Variants in NR3C1 observed in about 807,000 individuals in gnomAD.
NR3C1 encodes the protein nuclear receptor subfamily 3 group C member 1.
NR3C1 carries 14 observed loss-of-function variants against 74.0 expected under a neutral mutation model. The observed-to-expected ratio is 0.19, with a 90% confidence interval of 0.12 to 0.30. The LOEUF is 0.30. Ranked by LOEUF, NR3C1 falls within the 10% of genes least tolerant of loss-of-function variation. The pLI, the probability that NR3C1 is intolerant of heterozygous loss-of-function variation, is 1.00. For missense variants in NR3C1, 695 were observed against 909.8 expected (o/e 0.76, Z 3.04); for synonymous variants, 308 against 332.5 (o/e 0.93, Z 0.80).
At chr5:143,416,925 G>C (rs780152819) in intron 1 of NR3C1, among the ~76,000 whole-genome samples, 23 of 151,998 alleles carry the variant, frequency 1.5e-4, no homozygotes, top group Non-Finnish European at 3.1e-4. Context: ...ACCTATTCTG[G>C]TTACATCTGC....
chr5:143,381,390 A>T (rs1033947048), intron 2 of NR3C1, among the ~76,000 whole-genome samples: 1 of 152,102 alleles, frequency 6.6e-6, no homozygotes, highest in African/African-American at 2.4e-5. Context: ...GATTCAATGC[A>T]ATCTTTATTA....
In NR3C1 at chr5:143,315,377, G is replaced by C. The variant is rs555170005; in HGVS notation, c.1185-1209C>G. Among the ~76,000 whole-genome samples the C allele has an allele frequency of 4.6e-5, 7 of 152,062 alleles. No individual in the cohort carries two copies. The South Asian group carries it at 1.5e-3, about 32-fold the overall frequency. ...ATTAGAGACTGCCCATTCCATTTTT[G>C]GTTGTGTTCTTAAGCAAATCTTCAA... On this transcript the variant is annotated intron_variant, in intron 2 of 8. Coordinates refer to ENST00000394464, the MANE Select transcript of NR3C1 (RefSeq NM_000176.3).
intron 2 of NR3C1, among the ~76,000 whole-genome samples, chr5:143,347,427 T>C (rs1032488257): frequency 1.3e-5 from 2 of 152,172 alleles, no homozygotes; most frequent in Non-Finnish European, 2.9e-5. Context: ...ACTCTAATGT[T>C]AGTTATTTTT....
At chr5:143,383,584 G>A (rs1836647806) in intron 2 of NR3C1, among the ~76,000 whole-genome samples, 3 of 152,196 alleles carry the variant, frequency 2.0e-5, no homozygotes, top group Admixed American at 6.5e-5. Flanking sequence ...GAGGTGGGGG[G>A]CTATGGCCTG....
At chr5:143,379,513 TACA>T (rs536589092) in intron 2 of NR3C1, among the ~76,000 whole-genome samples, 1 of 152,170 alleles carries the variant, frequency 6.6e-6, no homozygotes, top group African/African-American at 2.4e-5. Flanking sequence ...ACCTGATTCC[TACA>T]ACTACTGTGA....
rs13353867 is a variant in NR3C1 at position 143,381,475 on chromosome 5, G to A, written c.1184+18181C>T. ...ATTTATATGGAACCACAAAAGCCCC[G>A]GAATAGCCAAAGCCATCCTGAACAA... On this transcript the variant is annotated intron_variant, in intron 2 of 8. Transcript: ENST00000394464. 5.4e-3 allele frequency among the ~76,000 whole-genome samples: 827 copies of A among 151,798 alleles called. 5 individuals are homozygous for A. The highest frequency in any genetic ancestry group is 0.022 in the East Asian group (115 of 5,172).
At chr5:143,366,835 C>T (rs937524477) in intron 2 of NR3C1, among the ~76,000 whole-genome samples, 2 of 151,960 alleles carry the variant, frequency 1.3e-5, no homozygotes, top group African/African-American at 2.4e-5. Context: ...CAAAGAAGAC[C>T]CCAGATGGCT....
chr5:143,396,608 A>G (rs1370862354), intron 2 of NR3C1, among the ~76,000 whole-genome samples: 1 of 151,828 alleles, frequency 6.6e-6, no homozygotes, highest in Non-Finnish European at 1.5e-5. Flanking sequence ...CATTACTTTT[A>G]TAAAACCAGA....
chr5:143,304,237 A>G (rs1197236153), intron 4 of NR3C1, among the ~76,000 whole-genome samples: 1 of 152,186 alleles, frequency 6.6e-6, no homozygotes, highest in Non-Finnish European at 1.5e-5. Flanking sequence ...AAATCAATGT[A>G]CAAAAATCAG....
At chr5:143,387,627 G>A (rs901842507) in intron 2 of NR3C1, among the ~76,000 whole-genome samples, 1 of 152,042 alleles carries the variant, frequency 6.6e-6, no homozygotes, top group African/African-American at 2.4e-5. Flanking sequence ...GACCTCATCT[G>A]ATTTTCTTGC....
chr5:143,290,963 A>T (rs1475830428), intron 7 of NR3C1, among the ~76,000 whole-genome samples: 1 of 151,692 alleles, frequency 6.6e-6, no homozygotes, highest in East Asian at 1.9e-4. Context: ...TTGTTTATGC[A>T]TTTTTTTCTC....
At chr5:143,290,525 T>C (rs1815644395) in intron 7 of NR3C1, among the ~76,000 whole-genome samples, 1 of 152,214 alleles carries the variant, frequency 6.6e-6, no homozygotes, top group Non-Finnish European at 1.5e-5. Flanking sequence ...ATTTGGATTA[T>C]TTCTAAAATC....
rs1034943105 is a variant in NR3C1 at position 143,280,452 on chromosome 5, A to G, written c.*1437T>C. On this transcript the variant is annotated 3_prime_UTR_variant, in exon 9 of 9. Coordinates refer to ENST00000394464, the MANE Select transcript of NR3C1 (RefSeq NM_000176.3). ...ATTTGGCCACCTTGAATAGAAATCA[A>G]ATTTCTTGTGGCTTAGTAAATATGT... 1 of 152,624 alleles carries G rather than the reference A, an allele frequency of 6.6e-6. No individual in the cohort carries two copies. The highest frequency in any genetic ancestry group is 1.5e-5 in the Non-Finnish European group (1 of 68,026). 9.5% of individuals were successfully genotyped at this position (152,624 alleles called of 1,614,324 possible).
intron 7 of NR3C1, among the ~76,000 whole-genome samples, chr5:143,292,512 C>T (rs528862306): frequency 1.3e-5 from 2 of 152,152 alleles, no homozygotes; most frequent in Admixed American, 6.5e-5. Context: ...GTTGTGAACA[C>T]TCTGCTACGT....
rs1233385787 is a variant in NR3C1 at position 143,279,921 on chromosome 5, G to GC, written c.*1967dup. ...GTTTACATACTTTACATACTTTAGT[G>GC]CAAGGGGAGATTGAGTAAACTAAAC... is the stretch of plus-strand genomic sequence containing the variant. On this transcript the variant is annotated 3_prime_UTR_variant, in exon 9 of 9. Coordinates refer to ENST00000394464, the MANE Select transcript of NR3C1 (RefSeq NM_000176.3). 6.5e-6 allele frequency: 1 copy of GC among 153,008 alleles called. No homozygotes were observed. The highest frequency in any genetic ancestry group is 1.5e-5 in the Non-Finnish European group (1 of 68,438). The allele number at this position is 153,008 out of a possible 1,614,324, so 9.5% of individuals were successfully genotyped here. A position where few individuals can be genotyped will look rare whatever the true frequency, so the allele number is the denominator to read the frequency against.
At chr5:143,389,515 GT>G (rs1408799767) in intron 2 of NR3C1, among the ~76,000 whole-genome samples, 1 of 152,094 alleles carries the variant, frequency 6.6e-6, no homozygotes, top group Non-Finnish European at 1.5e-5. Context: ...TTTCTTAATA[GT>G]TTTATAACTT....
At chr5:143,336,659 C>T (rs578219101) in intron 2 of NR3C1, among the ~76,000 whole-genome samples, 12 of 152,152 alleles carry the variant, frequency 7.9e-5, no homozygotes, top group African/African-American at 2.7e-4. Flanking sequence ...AACCAAAGTG[C>T]TAGATAAAAA....
chr5:143,351,142 T>C (rs1830156500), intron 2 of NR3C1, among the ~76,000 whole-genome samples: 1 of 152,206 alleles, frequency 6.6e-6, no homozygotes, highest in African/African-American at 2.4e-5. Context: ...CCTTCGTATG[T>C]AGTCTCTCTT....
intron 4 of NR3C1, among the ~76,000 whole-genome samples, chr5:143,306,956 G>A (rs1206937004): frequency 7.7e-6 from 1 of 129,770 alleles, no homozygotes; most frequent in Non-Finnish European, 1.5e-5. Flanking sequence ...GAGTGCAGTG[G>A]CGCGATCTTG....
Sources: gnomAD v4.1 joint callset for allele counts (sites outside exome capture counted in the v4.1 genomes callset) on GRCh38, gnomAD v4.1.1 for gene constraint, MANE v1.5 for transcripts, NCBI Gene and HGNC (gene_info 2026-07-23, HGNC 2026-07-21) for gene names.